The following SCN2A variants were observed in gnomAD, a reference collection of about 807,000 sequenced individuals.
SCN2A encodes the protein sodium channel protein type 2 subunit alpha.
SCN2A carries 20 observed loss-of-function variants against 188.7 expected under a neutral mutation model. The observed-to-expected ratio is 0.11, with a 90% CI of 0.07 to 0.15. The LOEUF (loss-of-function observed/expected upper bound fraction) is 0.15, where lower values mean the gene tolerates loss of function less well. Ranked by LOEUF, SCN2A falls within the 10% of genes least tolerant of loss-of-function variation. The pLI is 1.00. For synonymous variants in SCN2A, 804 were observed against 833.1 expected, an observed-to-expected ratio of 0.97 and a Z score of 0.60; for missense variants, 1,278 against 2,445.0, an observed-to-expected ratio of 0.52 and a Z score of 10.07.
chr2:165,316,428 T>A (rs933564656), intron 11 of SCN2A, among the ~76,000 whole-genome samples: 1 of 152,324 alleles, frequency 6.6e-6, no homozygotes, highest in East Asian at 1.9e-4. Context: ...TTTGTACTCA[T>A]GCAAGTTGTT....
In SCN2A at chr2:165,390,321, A is replaced by G. The variant is rs1236149681; in HGVS notation, c.*497A>G. 6.0e-6 allele frequency: 1 copy of G among 166,256 alleles called. No homozygotes were observed. The highest frequency in any genetic ancestry group is 2.4e-5 in the African/African-American group (1 of 41,484). 10.3% of individuals were successfully genotyped at this position (166,256 alleles called of 1,614,324 possible). On this transcript the variant is annotated 3_prime_UTR_variant, in exon 27 of 27. Coordinates refer to ENST00000375437, the MANE Select transcript of SCN2A (RefSeq NM_001040142.2). ...GGGTTTGTGTTTGGGGAGAGGGATT[A>G]AAGGGAGGGAATTCTACATTTCTCT...
intron 1 of SCN2A, chr2:165,241,069 A>G (rs530980887): frequency 5.3e-5 from 8 of 151,968 alleles, no homozygotes; most frequent in African/African-American, 1.7e-4. Context: ...CATAGCAGTA[A>G]CACAATTCAC....
intron 24 of SCN2A, 65 bp from the exon 25 acceptor site, chr2:165,381,028 A>G: frequency 8.9e-7 from 1 of 1,123,246 alleles, no homozygotes; most frequent in Non-Finnish European, 1.3e-6. Context: ...TCACATGATT[A>G]CTAAGGTGGA....
chr2:165,241,150 G>T (rs1327215634), intron 1 of SCN2A: 1 of 152,012 alleles, frequency 6.6e-6, no homozygotes, highest in Admixed American at 6.6e-5. Flanking sequence ...GTGTGTGTGT[G>T]TGTGTGTGCA....
Position 165,389,735 on chromosome 2 carries a change from A to G in SCN2A, c.5929A>G (p.Ser1977Gly). The change falls in exon 27 of 27, where the codon AGT (serine) becomes GGT (glycine). Residue 1977 changes from serine to glycine, a missense_variant. By Grantham distance (56) the Ser-to-Gly change is moderately conservative (BLOSUM62 0). Around this residue, in one of 17 missense-constraint regions of SCN2A, gnomAD observed 109 missense variants for 137.9 expected, o/e 0.79. Transcript: ENST00000375437. This position sits in a 1 kb window ranked among gnomAD's most constrained non-coding sequence, Gnocchi z 4.2. ...PSTTSPPSYD[S>G]VTKPEKEKFE... Reference sequence around the variant, plus strand: ...CACCACGTCTCCACCCTCGTATGATAGTGTGACCAAACCAGAAAAAGAAAA... The same window carrying G: ...CACCACGTCTCCACCCTCGTATGATGGTGTGACCAAACCAGAAAAAGAAAA... 6.2e-7 allele frequency: 1 copy of G among 1,613,868 alleles called. No individual in the cohort carries two copies. Among genetic ancestry groups the G allele is most frequent in the Non-Finnish European group, 8.5e-7 (1 of 1,179,906 alleles).
At chr2:165,263,682 G>C (rs953710413) in intron 1 of SCN2A, among the ~76,000 whole-genome samples, 8 of 151,886 alleles carry the variant, frequency 5.3e-5, no homozygotes, top group African/African-American at 1.9e-4. Context: ...GTTTAGTCTT[G>C]CTCTGACTAT....
In SCN2A at chr2:165,315,727, C is replaced by A. The variant is rs756924591; in HGVS notation, c.1640C>A (p.Thr547Lys). The change falls in exon 11 of 27, where the codon ACA becomes AAA. Residue 547 changes from threonine (T) to lysine (K), a missense_variant. Thr to Lys is a moderately conservative substitution (Grantham distance 78). This residue lies in a region of SCN2A where 315 missense variants were observed against 386.6 expected (regional missense o/e 0.81). Transcript: ENST00000375437. ...TTTTCCTTGGAAGGAAGTAGGCTGA[C>A]ATATGAAAAGAGATTTTCTTCTCCA... ...FRFSLEGSRL[T>K]YEKRFSSPHQ... 1 of 1,612,866 alleles carries A rather than the reference C, an allele frequency of 6.2e-7. No homozygotes were observed. The highest frequency in any genetic ancestry group is 1.7e-5 in the Admixed American group (1 of 59,868).
At chr2:165,260,859 A>G (rs561453047) in intron 1 of SCN2A, among the ~76,000 whole-genome samples, 1 of 149,966 alleles carries the variant, frequency 6.7e-6, no homozygotes, top group Admixed American at 6.8e-5. Flanking sequence ...AATCCCAGCT[A>G]CTCGGGAGTC....
At chr2:165,323,110 T>G (rs1698157502) in intron 11 of SCN2A, 46 bp from the exon 12 acceptor site, 1 of 1,556,466 alleles carries the variant, frequency 6.4e-7, no homozygotes, top group South Asian at 1.1e-5. Context: ...ATGCCAGCTC[T>G]TAACTCTCTT....
chr2:165,243,428 C>T lies in SCN2A; in HGVS notation c.-52+3788C>T, dbSNP rs1693706251. ...GACCAGCCTGGACAACATGCTGAAA[C>T]CCTGTCTCTACTAAAAATAAAAAAT... is the stretch of plus-strand genomic sequence containing the variant. On this transcript the variant is annotated intron_variant, in intron 1 of 26. Coordinates refer to ENST00000375437, the MANE Select transcript of SCN2A (RefSeq NM_001040142.2). Among the ~76,000 whole-genome samples, 2 of 151,934 alleles carry T rather than the reference C, an allele frequency of 1.3e-5. 1 individual carries two copies. The highest frequency in any genetic ancestry group is 3.9e-4 in the East Asian group (2 of 5,156).
At chr2:165,257,167 A>G (rs530873183) in intron 1 of SCN2A, among the ~76,000 whole-genome samples, 1 of 152,310 alleles carries the variant, frequency 6.6e-6, no homozygotes, top group Non-Finnish European at 1.5e-5. Context: ...GTCCACACCT[A>G]AAAGCTGGGC....
Position 165,370,260 on chromosome 2 carries a change from T to G in SCN2A, c.3810T>G (p.Phe1270Leu). ...TTGCATATGGTTTTCAAGTGTATTT[T>G]ACCAATGCCTGGTGCTGGCTAGACT... ...KWVAYGFQVY[F>L]TNAWCWLDFL... is the part of the protein sequence containing the mutation. Residue 1270 changes from phenylalanine to leucine, a missense_variant, in exon 20 of 27, where the codon TTT (phenylalanine) becomes TTG (leucine). Transcript: ENST00000375437. The G allele has an allele frequency of 6.2e-7, 1 of 1,614,186 alleles. No homozygotes were observed. The highest frequency in any genetic ancestry group is 8.5e-7 in the Non-Finnish European group (1 of 1,180,020).
At chr2:165,294,485 A>G (rs538846950) in intron 1 of SCN2A, among the ~76,000 whole-genome samples, 2 of 152,258 alleles carry the variant, frequency 1.3e-5, no homozygotes, top group South Asian at 4.1e-4. Flanking sequence ...AAAACTGTGC[A>G]GTAGTTTTTG....
chr2:165,311,585 A>G (rs1020453283), intron 7 of SCN2A, among the ~76,000 whole-genome samples: 1 of 152,102 alleles, frequency 6.6e-6, no homozygotes, highest in African/African-American at 2.4e-5. Context: ...TTGGCGGGAA[A>G]AAATGTCTGA....
intron 3 of SCN2A, among the ~76,000 whole-genome samples, chr2:165,302,099 A>T (rs1293350377): frequency 6.6e-6 from 1 of 152,182 alleles, no homozygotes; most frequent in Admixed American, 6.5e-5. Flanking sequence ...TGATTCATTA[A>T]ATAGTGTCCA....
At chr2:165,360,321 C>G (rs1700398381) in intron 17 of SCN2A, among the ~76,000 whole-genome samples, 1 of 151,870 alleles carries the variant, frequency 6.6e-6, no homozygotes, top group Non-Finnish European at 1.5e-5. Flanking sequence ...AAAAACTATT[C>G]ATCTGGCACA....
At chr2:165,240,695 G>GTGTGTGTGTGTGTGTGT (rs1693579275) in intron 1 of SCN2A, among the ~76,000 whole-genome samples, 2 of 136,074 alleles carry the variant, frequency 1.5e-5, no homozygotes, top group Non-Finnish European at 3.2e-5. Flanking sequence ...GTGTGTGTGT[G>GTGTGTGTGTGTGTGTGT]ATGGTGGAGG....
At chr2:165,344,424 T>C in intron 15 of SCN2A, 131 bp from the exon 16 acceptor site, 1 of 524,962 alleles carries the variant, frequency 1.9e-6, no homozygotes, top group Non-Finnish European at 2.7e-6. Context: ...TGTGCACATG[T>C]ACCCTAAAAC....
chr2:165,286,234 A>G (rs1343622522), intron 1 of SCN2A, among the ~76,000 whole-genome samples: 7 of 152,146 alleles, frequency 4.6e-5, no homozygotes, highest in Non-Finnish European at 2.9e-5. Context: ...TGGGAGTTTT[A>G]CTGTGCAGCA....
Sources: allele counts gnomAD v4.1 joint callset (sites outside exome capture counted in the v4.1 genomes callset), GRCh38; gene constraint gnomAD v4.1.1; regional missense constraint gnomAD v4.1.1; non-coding constraint Gnocchi (gnomAD v3.1); transcripts MANE v1.5; gene names NCBI Gene and HGNC (gene_info 2026-07-23, HGNC 2026-07-21).